The following UIMC1 variants were observed in gnomAD, a reference collection of about 807,000 sequenced individuals.
The protein encoded by UIMC1 is ubiquitin interaction motif containing 1, also known as BRCA1-A complex subunit RAP80.
UIMC1 carries 42 observed loss-of-function variants against 84.9 expected under a neutral mutation model. The ratio of observed to expected loss-of-function variants is 0.49; its 90% CI spans 0.39 to 0.64. UIMC1 has a LOEUF of 0.64. Among genes scored for constraint, UIMC1 ranks in the 30% least tolerant of loss-of-function variants. The probability of loss-of-function intolerance (pLI) is 0.00; values close to 1 mark genes in which losing one functional copy is unlikely to be tolerated. For missense variants in UIMC1, 825 were observed against 847.6 expected (o/e 0.97, Z 0.33); for synonymous variants, 281 against 293.0 (o/e 0.96, Z 0.42).
intron 10 of UIMC1, among the ~76,000 whole-genome samples, chr5:176,925,032 A>G (rs1221775619): frequency 1.4e-5 from 2 of 148,032 alleles, no homozygotes; most frequent in Non-Finnish European, 3.0e-5. Context: ...CTCTGCCTCA[A>G]AAAAAAAAAA....
intron 1 of UIMC1, among the ~76,000 whole-genome samples, chr5:176,984,560 G>T (rs1356405858): frequency 2.0e-5 from 3 of 151,864 alleles, no homozygotes; most frequent in East Asian, 1.9e-4. Flanking sequence ...CTGCCCGGCC[G>T]CCCCATCTGG....
Position 176,968,823 on chromosome 5 carries a change from T to C in UIMC1, c.932A>G (p.Gln311Arg), listed in dbSNP as rs1247432141. Residue 311 changes from glutamine to arginine, a missense_variant, in exon 6 of 15, where the codon CAG becomes CGG. Gln to Arg is a conservative substitution (Grantham distance 43, BLOSUM62 1). Transcript: ENST00000511320. ...EVYQKSLKMA[Q>R]RQLLNKKGFG... ...ACCTTTTTTATTAAGGAGCTGCCTC[T>C]GAGCCATTTTCAGGCTCTTTTGATA... 4 of 1,614,082 alleles carry C rather than the reference T, an allele frequency of 2.5e-6. No homozygotes were observed. The highest frequency in any genetic ancestry group is 1.6e-4 in the Middle Eastern group (1 of 6,084).
chr5:176,917,428 C>T (rs894588435), intron 10 of UIMC1, among the ~76,000 whole-genome samples: 3 of 151,914 alleles, frequency 2.0e-5, no homozygotes, highest in Admixed American at 1.3e-4. Flanking sequence ...ACAATTTAGC[C>T]GGGCTTGGTG....
intron 10 of UIMC1, among the ~76,000 whole-genome samples, chr5:176,941,573 T>C (rs61412763): frequency 0.033 from 5,003 of 152,282 alleles, 296 homozygotes; most frequent in African/African-American, 0.11. Context: ...CTGGCAATCT[T>C]AATTTAAAAA....
chr5:176,930,975 G>A (rs1763012255), intron 10 of UIMC1, among the ~76,000 whole-genome samples: 1 of 152,192 alleles, frequency 6.6e-6, no homozygotes, highest in African/African-American at 2.4e-5. Flanking sequence ...ACCGACTGAG[G>A]CTTCCACGGT....
chr5:176,992,047 AG>A (rs1331918520), intron 1 of UIMC1, among the ~76,000 whole-genome samples: 21 of 150,344 alleles, frequency 1.4e-4, no homozygotes, highest in Non-Finnish European at 2.1e-4. Flanking sequence ...ACCTGAGCCT[AG>A]GGAGGTGGAG....
intron 6 of UIMC1, among the ~76,000 whole-genome samples, chr5:176,967,591 T>A (rs1041142966): frequency 2.0e-5 from 3 of 152,142 alleles, no homozygotes; most frequent in Non-Finnish European, 2.9e-5. Flanking sequence ...ATTCAAAAAT[T>A]TAACCTTTCA....
chr5:176,923,259 C>T (rs1217975406), intron 10 of UIMC1, among the ~76,000 whole-genome samples: 1 of 152,118 alleles, frequency 6.6e-6, no homozygotes, highest in Non-Finnish European at 1.5e-5. Flanking sequence ...ATGCTGTCTA[C>T]AGGAGACACA....
At chr5:176,980,773 G>C (rs1770913092) in intron 2 of UIMC1, among the ~76,000 whole-genome samples, 1 of 151,900 alleles carries the variant, frequency 6.6e-6, no homozygotes, top group South Asian at 2.1e-4. Context: ...TTCTGTTTTA[G>C]ATGGAGTGCA....
intron 1 of UIMC1, among the ~76,000 whole-genome samples, chr5:176,986,246 C>T (rs138472718): frequency 1.3e-5 from 2 of 150,918 alleles, no homozygotes; most frequent in Non-Finnish European, 3.0e-5. Context: ...TATAATCCCA[C>T]CTAATCCAGA....
intron 1 of UIMC1, among the ~76,000 whole-genome samples, chr5:176,995,194 T>C (rs1043674405): frequency 1.3e-5 from 2 of 152,154 alleles, no homozygotes; most frequent in South Asian, 2.1e-4. Flanking sequence ...TGTATGTTCA[T>C]AGCAGCTCTT....
chr5:176,979,497 A>T (rs1216409807), intron 2 of UIMC1, among the ~76,000 whole-genome samples: 1 of 151,950 alleles, frequency 6.6e-6, no homozygotes, highest in Non-Finnish European at 1.5e-5. Flanking sequence ...CAGCTACTCA[A>T]GAGGCTGAGG....
chr5:176,987,735 G>A (rs1271073107), intron 1 of UIMC1, among the ~76,000 whole-genome samples: 2 of 151,550 alleles, frequency 1.3e-5, no homozygotes, highest in Non-Finnish European at 2.9e-5. Flanking sequence ...AAGGAGGAGG[G>A]ATCACCTAAG....
At chr5:177,008,958 T>C (rs900348818), upstream of UIMC1, among the ~76,000 whole-genome samples, 5 of 152,018 alleles carry the variant, frequency 3.3e-5, no homozygotes, top group African/African-American at 4.8e-5. Flanking sequence ...GCCAAAGACC[T>C]GTCTAAGCTG....
intron 2 of UIMC1, among the ~76,000 whole-genome samples, chr5:176,977,689 C>T (rs1270054301): frequency 2.6e-5 from 4 of 151,610 alleles, no homozygotes; most frequent in African/African-American, 7.3e-5. Flanking sequence ...CTGGGTGGAT[C>T]ACCTGAGGTC....
intron 9 of UIMC1, among the ~76,000 whole-genome samples, chr5:176,945,812 G>C (rs1458572112): frequency 6.6e-6 from 1 of 152,152 alleles, no homozygotes; most frequent in Non-Finnish European, 1.5e-5. Context: ...TCCATGGATT[G>C]TTTGTAACCA....
intron 1 of UIMC1, among the ~76,000 whole-genome samples, chr5:177,018,355 A>AAAAAAAAAC (rs547542500): frequency 6.6e-6 from 1 of 151,878 alleles, no homozygotes; most frequent in Non-Finnish European, 1.5e-5. Flanking sequence ...GTCTCAAAAA[A>AAAAAAAAAC]AAAAGAAAAG....
chr5:177,017,197 AAAC>A (rs774195805), intron 1 of UIMC1, among the ~76,000 whole-genome samples: 2 of 152,194 alleles, frequency 1.3e-5, no homozygotes, highest in Non-Finnish European at 2.9e-5. Flanking sequence ...ATTCTGATTC[AAAC>A]AACACTTCTT....
chr5:177,004,689 T>C lies in UIMC1; in HGVS notation c.-9+1961A>G, dbSNP rs78892016. ...TTCACAGGTAACATTTTGGGCAGTG[T>C]CCTTGAAAATCCTCAATTTCAGATA... On this transcript the variant is annotated intron_variant, in intron 1 of 14. Transcript: ENST00000511320. Among the ~76,000 whole-genome samples the C allele has an allele frequency of 4.2e-3, 640 of 152,288 alleles. 26 individuals carry two copies. In the East Asian group the frequency reaches 0.11, roughly 26 times the overall value.
Sources: gnomAD v4.1 joint callset for allele counts (sites outside exome capture counted in the v4.1 genomes callset) on GRCh38, gnomAD v4.1.1 for gene constraint, MANE v1.5 for transcripts, NCBI Gene and HGNC (gene_info 2026-07-23, HGNC 2026-07-21) for gene names.